SBK3: variants seen among roughly 807,000 people sequenced by gnomAD.
SBK3 encodes SH3 domain binding kinase family member 3.
Under a neutral mutation model 12.7 loss-of-function variants are expected in SBK3, and 16 were observed. The observed-to-expected ratio is 1.26, with a 90% CI of 0.86 to 1.92. The LOEUF (loss-of-function observed/expected upper bound fraction) is 1.92. Ranked by LOEUF, SBK3 falls within the 40% of genes most tolerant of loss-of-function variation. The pLI is 0.00. For missense variants in SBK3, 462 were observed against 481.8 expected (o/e 0.96, Z 0.38); for synonymous variants, 217 against 213.6 (o/e 1.02, Z -0.14).
chr19:55,541,136 G>A lies in SBK3; in HGVS notation c.790C>T (p.Gln264Ter). The A allele has an allele frequency of 3.3e-6, 5 of 1,535,804 alleles. No homozygotes were observed. The African/African-American group carries it at 5.5e-5, about 17-fold the overall frequency. ...CAGGGTGGTGGTGGCTGAGGTGGCT[G>A]AGGCTTGGTGGTCACCCAGCCAGCG... is the stretch of plus-strand genomic sequence containing the variant. The part of the protein sequence containing the change: ...AFAGWVTTKP[Q>*]PPQPPPPWDQ... Residue 264 changes from glutamine (Q) to a stop codon, truncating the protein, a stop_gained, in exon 4 of 4, where the codon CAG (glutamine) becomes TAG (stop). Coordinates refer to ENST00000612221, the MANE Select transcript of SBK3 (RefSeq NM_001199824.2). LOFTEE classifies it low-confidence loss of function (END_TRUNC). The surrounding 1 kb of genome is among the most constrained non-coding windows in gnomAD (Gnocchi z 5.3).
rs1988539686 is a variant in SBK3, at chr19:55,540,723, G to A, written c.*123C>T. On this transcript the variant is annotated 3_prime_UTR_variant, in exon 4 of 4. Coordinates refer to ENST00000612221, the MANE Select transcript of SBK3 (RefSeq NM_001199824.2). ...GCGCGTCCAAGCCCAGCGTTCCGTA[G>A]GGAGAGTGCAATGTGTTCCCTCTCT... 1.2e-6 allele frequency: 1 copy of A among 843,186 alleles called. No homozygotes were observed. The allele number at this position is 843,186 out of a possible 1,614,324, so 52.2% of individuals were successfully genotyped here. A position where few individuals can be genotyped will look rare whatever the true frequency, so the allele number is the denominator to read the frequency against.
chr19:55,542,208 G>T (rs1988568973), intron 3 of SBK3, among the ~76,000 whole-genome samples: 1 of 152,116 alleles, frequency 6.6e-6, no homozygotes, highest in Non-Finnish European at 1.5e-5. Context: ...CCTTCCAACA[G>T]TATTGAACAG....
At chr19:55,544,068 G>C (rs1568496886) in intron 3 of SBK3, 32 bp downstream of exon 3, 1 of 1,431,068 alleles carries the variant, frequency 7.0e-7, no homozygotes, top group East Asian at 2.5e-5. Context: ...CCTGGGATAA[G>C]CACTCCCAAC....
rs1328699499 is a variant in SBK3, at chr19:55,540,784, GC to G, written c.*61del. The G allele has an allele frequency of 1.5e-6, 2 of 1,373,610 alleles. No individual in the cohort carries two copies. The highest frequency in any genetic ancestry group is 3.9e-5 in the Admixed American group (2 of 50,772). 85.1% of individuals were successfully genotyped at this position (1,373,610 alleles called of 1,614,324 possible). ...GTGCAGCTGTCTCTCCATCCAGGTG[GC>G]CCTGGGGGCTGGGGGAAGGGCCTCT... On this transcript the variant is annotated 3_prime_UTR_variant, in exon 4 of 4. Coordinates refer to ENST00000612221, the MANE Select transcript of SBK3 (RefSeq NM_001199824.2).
chr19:55,544,156 C>G lies in SBK3; in HGVS notation c.343G>C (p.Ala115Pro). 6.5e-7 allele frequency: 1 copy of G among 1,535,026 alleles called. No homozygotes were observed. The highest frequency in any genetic ancestry group is 1.2e-5 in the South Asian group (1 of 83,994). Residue 115 changes from alanine (A) to proline (P), a missense_variant, in exon 3 of 4, where the codon GCC (alanine) becomes CCC (proline). Physicochemically the swap from Ala to Pro is conservative, Grantham distance 27. Coordinates refer to ENST00000612221, the MANE Select transcript of SBK3 (RefSeq NM_001199824.2). ...CAGGGCGCGTACTCCTGGGCGAAGG[C>G]AAAATAGCGGGGGGTCTGTAGGGGT... ...AGPLQTPRYF[A>P]FAQEYAPCGD... is the part of the protein sequence containing the mutation.
At chr19:55,544,386 G>T in intron 2 of SBK3, 84 bp from the exon 3 acceptor site, 1 of 1,092,608 alleles carries the variant, frequency 9.2e-7, no homozygotes, top group Non-Finnish European at 1.3e-6. Flanking sequence ...AACTCTCTGA[G>T]CCTCACACTT....
Position 55,545,404 on chromosome 19 carries a change from T to G in SBK3, c.45+95A>C. 1 of 1,054,896 alleles carries G rather than the reference T, an allele frequency of 9.5e-7. No individual in the cohort carries two copies. Among genetic ancestry groups the G allele is most frequent in the Non-Finnish European group, 1.4e-6 (1 of 722,890 alleles). The allele number at this position is 1,054,896 out of a possible 1,614,324, so 65.3% of individuals were successfully genotyped here. The stretch of plus-strand genomic sequence containing the variant: ...CTCTGAGGTCTTTGCGTTTCCCTGT[T>G]TTCTGTTTCTCTTCCTCTCTCTCCC... On this transcript the variant is annotated intron_variant, in intron 1 of 3. Coordinates refer to ENST00000612221, the MANE Select transcript of SBK3 (RefSeq NM_001199824.2). The surrounding 1 kb of genome is among the most constrained non-coding windows in gnomAD (Gnocchi z 4.4).
At chr19:55,544,343 A>C (rs1599950684) in intron 2 of SBK3, 41 bp from the exon 3 acceptor site, 1 of 1,472,980 alleles carries the variant, frequency 6.8e-7, no homozygotes, top group Non-Finnish European at 9.1e-7. Flanking sequence ...AGGCGGCTCC[A>C]GTCCTGCTGT....
At chr19:55,543,153 TCATCCACCCATCCACCCACCCATC>T (rs1399468171) in intron 3 of SBK3, among the ~76,000 whole-genome samples, 1 of 71,676 alleles carries the variant, frequency 1.4e-5, no homozygotes, top group Non-Finnish European at 2.8e-5. Flanking sequence ...ACCAATCCTT[TCATCCACCCATCCACCCACCCATC>T]CATCCACCCA....
In SBK3 at chr19:55,545,335, G is replaced by A. The variant is rs758269322; in HGVS notation, c.45+164C>T. ...ATTCTCTGGGGGCCTTGGTCTCGCT[G>A]TGTGTCCTTGGATCTCTGTCATCCT... On this transcript the variant is annotated intron_variant, in intron 1 of 3. Coordinates refer to ENST00000612221, the MANE Select transcript of SBK3 (RefSeq NM_001199824.2). The surrounding 1 kb of genome is among the most constrained non-coding windows in gnomAD (Gnocchi z 4.4). 4.5e-5 allele frequency: 28 copies of A among 624,706 alleles called. No individual in the cohort carries two copies. In the African/African-American group the frequency reaches 5.2e-4, roughly 12 times the overall value. 38.7% of individuals were successfully genotyped at this position (624,706 alleles called of 1,614,324 possible). A position where few individuals can be genotyped will look rare whatever the true frequency, so the allele number is the denominator to read the frequency against.
rs1012656827 is a variant in SBK3 at position 55,541,989 on chromosome 19, T to C, written c.400-463A>G. On this transcript the variant is annotated intron_variant, in intron 3 of 3. Transcript: ENST00000612221. The surrounding 1 kb of genome is among the most constrained non-coding windows in gnomAD (Gnocchi z 5.3). ...ACTCAGGCCCACTGTGAACATTTCT[T>C]ATATATCTTTTGTAAACTGACCATC... 9.9e-5 allele frequency among the ~76,000 whole-genome samples: 15 copies of C among 152,220 alleles called. No homozygotes were observed. Among genetic ancestry groups the C allele is most frequent in the Non-Finnish European group, 1.6e-4 (11 of 68,044 alleles).
intron 3 of SBK3, among the ~76,000 whole-genome samples, chr19:55,543,261 C>T (rs1988603429): frequency 6.9e-6 from 1 of 144,100 alleles, no homozygotes; most frequent in East Asian, 2.1e-4. Context: ...TCCATCCACC[C>T]ACCCACTCAT....
At position 55,541,403 on chromosome 19, in the gene SBK3, C is replaced by T. The variant is rs893398472; in HGVS notation, c.523G>A (p.Val175Ile). ...TCTCCCAGGGCCACACGGCTGCAGACCGGGTCGAAGACCAGCACGTTGTCA... is the reference window on the plus strand; with the variant it reads ...TCTCCCAGGGCCACACGGCTGCAGATCGGGTCGAAGACCAGCACGTTGTCA... The part of the protein sequence containing the change: ...KPDNVLVFDP[V>I]CSRVALGDLG... The change falls in exon 4 of 4, where the codon GTC (valine) becomes ATC (isoleucine). Residue 175 changes from valine to isoleucine, a missense_variant. By Grantham distance (29) the Val-to-Ile change is conservative. Transcript: ENST00000612221. This position sits in a 1 kb window ranked among gnomAD's most constrained non-coding sequence, Gnocchi z 5.3. 20 of 1,535,822 alleles carry T rather than the reference C, an allele frequency of 1.3e-5. No individual in the cohort carries two copies. The highest frequency in any genetic ancestry group is 4.1e-5 in the African/African-American group (3 of 73,170).
In SBK3 at chr19:55,540,985, C is replaced by A; in HGVS notation, c.941G>T (p.Arg314Ile). Residue 314 changes from arginine (R) to isoleucine (I), a missense_variant, in exon 4 of 4, where the codon AGA (arginine) becomes ATA (isoleucine). Coordinates refer to ENST00000612221, the MANE Select transcript of SBK3 (RefSeq NM_001199824.2). ...LGDDWGLQGN[R>I]EGPGVLGSAV... ...GCTCCCCAAAACCCCAGGTCCCTCT[C>A]TGTTCCCTTGCAACCCCCAGTCGTC... is the stretch of plus-strand genomic sequence containing the variant. 1 of 1,535,944 alleles carries A rather than the reference C, an allele frequency of 6.5e-7. No individual in the cohort carries two copies. Among genetic ancestry groups the A allele is most frequent in the South Asian group, 1.2e-5 (1 of 84,030 alleles).
In SBK3 at chr19:55,545,279, C is replaced by T; in HGVS notation, c.45+220G>A. On this transcript the variant is annotated intron_variant, in intron 1 of 3. Coordinates refer to ENST00000612221, the MANE Select transcript of SBK3 (RefSeq NM_001199824.2). The surrounding 1 kb of genome is among the most constrained non-coding windows in gnomAD (Gnocchi z 4.4). ...TCTCTCTCTCCACCGTCCTCTTCCC[C>T]TGTGCATCCCGCTGTGTGTTTCTGA... 1 of 590,050 alleles carries T rather than the reference C, an allele frequency of 1.7e-6. No individual in the cohort carries two copies. The allele number at this position is 590,050 out of a possible 1,614,324, so 36.6% of individuals were successfully genotyped here.
chr19:55,544,336 C>A, intron 2 of SBK3, 34 bp from the exon 3 acceptor site: 1 of 1,501,462 alleles, frequency 6.7e-7, no homozygotes. Flanking sequence ...GACACTCAGG[C>A]GGCTCCAGTC....
Position 55,541,555 on chromosome 19 carries a change from A to C in SBK3, c.400-29T>G. 1.4e-6 allele frequency: 2 copies of C among 1,465,786 alleles called. No individual in the cohort carries two copies. Among genetic ancestry groups the C allele is most frequent in the Non-Finnish European group, 1.8e-6 (2 of 1,104,626 alleles). The allele number at this position is 1,465,786 out of a possible 1,614,324, so 90.8% of individuals were successfully genotyped here. A position where few individuals can be genotyped will look rare whatever the true frequency, so the allele number is the denominator to read the frequency against. On this transcript the variant is annotated intron_variant, in intron 3 of 3. Coordinates refer to ENST00000612221, the MANE Select transcript of SBK3 (RefSeq NM_001199824.2). The surrounding 1 kb of genome is among the most constrained non-coding windows in gnomAD (Gnocchi z 5.3). The stretch of plus-strand genomic sequence containing the variant: ...AGGTCAAGAAGACAGGAGGAGGGTC[A>C]GAGTGTCTTGGTTTTGTCTTTTTTA...
At position 55,544,803 on chromosome 19, in the gene SBK3, C is replaced by A; in HGVS notation, c.192G>T (p.Gln64His). Residue 64 changes from glutamine (Q) to histidine (H), a missense_variant, in exon 2 of 4, where the codon CAG becomes CAT. By Grantham distance (24) the Gln-to-His change is conservative. Coordinates refer to ENST00000612221, the MANE Select transcript of SBK3 (RefSeq NM_001199824.2). ...YGRVLLAQPHQGGPAVALKLL... is the reference protein window; with the variant it reads ...YGRVLLAQPHHGGPAVALKLL... ...CCCTTGGGTGGCTGAACTCACCCCC[C>A]TGGTGAGGCTGGGCAAGGAGCACGC... 1 of 1,507,436 alleles carries A rather than the reference C, an allele frequency of 6.6e-7. No individual in the cohort carries two copies. Among genetic ancestry groups the A allele is most frequent in the South Asian group, 1.2e-5 (1 of 80,454 alleles). The allele number at this position is 1,507,436 out of a possible 1,614,324, so 93.4% of individuals were successfully genotyped here.
chr19:55,543,565 T>C (rs1988609894), intron 3 of SBK3, among the ~76,000 whole-genome samples: 1 of 151,918 alleles, frequency 6.6e-6, no homozygotes, highest in Admixed American at 6.6e-5. Context: ...TCCCTACCCC[T>C]AATCTCCAAA....
Sources: gnomAD v4.1 joint callset for allele counts (sites outside exome capture counted in the v4.1 genomes callset) on GRCh38, gnomAD v4.1.1 for gene constraint, Gnocchi (gnomAD v3.1) non-coding constraint, MANE v1.5 for transcripts, NCBI Gene and HGNC (gene_info 2026-07-23, HGNC 2026-07-21) for gene names.